The following ERC2 variants were observed in gnomAD, a reference collection of about 807,000 sequenced individuals.
ERC2 encodes the protein ELKS/RAB6-interacting/CAST family member 2, also known as ERC protein 2.
A neutral mutation model predicts 114.8 loss-of-function variants in ERC2; 42 were observed. That is an observed-to-expected ratio of 0.37 (90% CI 0.29 to 0.47). ERC2 has a LOEUF of 0.47. Among genes scored for constraint, ERC2 ranks in the 20% least tolerant of loss-of-function variants. ERC2 has a pLI of 0.99. For synonymous variants in ERC2, 454 were observed against 425.5 expected (o/e 1.07, Z -0.82); for missense variants, 939 against 1,150.7 (o/e 0.82, Z 2.66).
intron 3 of ERC2, among the ~76,000 whole-genome samples, chr3:56,270,750 T>A (rs537317655): frequency 3.3e-5 from 5 of 152,138 alleles, no homozygotes; most frequent in African/African-American, 1.2e-4. Context: ...GAGGCCAAGG[T>A]GGGCGGATCA....
At chr3:55,868,378 C>T (rs1220581122) in intron 14 of ERC2, among the ~76,000 whole-genome samples, 8 of 152,196 alleles carry the variant, frequency 5.3e-5, no homozygotes, top group African/African-American at 1.9e-4. Flanking sequence ...GATTTAGGAA[C>T]CCTGGAGCCT....
chr3:55,804,249 G>C (rs1264694771), intron 14 of ERC2, among the ~76,000 whole-genome samples: 1 of 152,122 alleles, frequency 6.6e-6, no homozygotes, highest in Non-Finnish European at 1.5e-5. Flanking sequence ...TTGTATCCAA[G>C]TTACCCTCAA....
intron 2 of ERC2, among the ~76,000 whole-genome samples, chr3:56,359,418 C>CA (rs1185125856): frequency 6.6e-6 from 1 of 152,224 alleles, no homozygotes; most frequent in Non-Finnish European, 1.5e-5. Flanking sequence ...ACTTGACTGA[C>CA]AATCATTCAT....
chr3:56,068,263 T>C (rs1466847738), intron 7 of ERC2, among the ~76,000 whole-genome samples: 2 of 152,190 alleles, frequency 1.3e-5, no homozygotes, highest in Non-Finnish European at 2.9e-5. Context: ...TGGTTTAGTC[T>C]TGGGAAGGTG....
chr3:56,234,755 G>C (rs768542405), intron 3 of ERC2, among the ~76,000 whole-genome samples: 2 of 152,172 alleles, frequency 1.3e-5, no homozygotes, highest in Non-Finnish European at 2.9e-5. Context: ...GAGACAAAGA[G>C]ATCAAAGGGG....
chr3:55,777,032 C>G (rs547696427), intron 14 of ERC2, among the ~76,000 whole-genome samples: 1 of 152,198 alleles, frequency 6.6e-6, no homozygotes, highest in African/African-American at 2.4e-5. Flanking sequence ...AAGTGTCTCC[C>G]TCCTCTCTTT....
intron 6 of ERC2, among the ~76,000 whole-genome samples, chr3:56,108,793 C>A (rs1178953409): frequency 6.6e-6 from 1 of 152,102 alleles, no homozygotes; most frequent in South Asian, 2.1e-4. Flanking sequence ...AAGGAGCAAT[C>A]TCTTATCTAT....
intron 14 of ERC2, among the ~76,000 whole-genome samples, chr3:55,879,757 A>G (rs1044522563): frequency 3.3e-5 from 5 of 152,342 alleles, no homozygotes; most frequent in East Asian, 1.9e-4. Context: ...ATTGCCCCCA[A>G]TATCCATTCT....
intron 17 of ERC2, among the ~76,000 whole-genome samples, chr3:55,625,259 T>C (rs1057459358): frequency 1.3e-5 from 2 of 150,862 alleles, no homozygotes; most frequent in South Asian, 4.2e-4. Context: ...CCCAGCTACT[T>C]GGAAGGCTGA....
intron 16 of ERC2, among the ~76,000 whole-genome samples, chr3:55,691,554 AAAAAAAAAAAAAAAAAAAAATATATATAT>A (rs2062644518): frequency 2.3e-5 from 1 of 43,472 alleles, no homozygotes; most frequent in East Asian, 9.6e-4. Flanking sequence ...CAAAAAAAAA[AAAAAAAAAAAAAAAAAAAAATATATATAT>A]ATATATATAT....
intron 14 of ERC2, among the ~76,000 whole-genome samples, chr3:55,829,429 C>A (rs1175320264): frequency 1.3e-5 from 2 of 151,994 alleles, no homozygotes; most frequent in African/African-American, 2.4e-5. Flanking sequence ...GAAGACAGAT[C>A]AACAGAAATC....
chr3:55,616,948 T>C (rs1575786009), intron 17 of ERC2, among the ~76,000 whole-genome samples: 1 of 152,164 alleles, frequency 6.6e-6, no homozygotes, highest in East Asian at 1.9e-4. Context: ...AACACATAGG[T>C]GTGAAGGAGT....
intron 10 of ERC2, among the ~76,000 whole-genome samples, chr3:55,995,835 A>C (rs1167334151): frequency 6.6e-6 from 1 of 152,250 alleles, no homozygotes; most frequent in Non-Finnish European, 1.5e-5. Context: ...ACTAAATAAA[A>C]TAGTGGAGGA....
rs557579511 is a variant in ERC2 at position 56,397,601 on chromosome 3, A to C, written c.657+36750T>G. 2.0e-5 allele frequency among the ~76,000 whole-genome samples: 3 copies of C among 152,302 alleles called. No individual in the cohort carries two copies. In the East Asian group the frequency reaches 5.8e-4, roughly 29 times the overall value. Reference sequence around the variant, plus strand: ...CTTATTATTTTCTTAAATGCTTTCCAATGTTGCATCTTATGGATACACCAT... The same window carrying C: ...CTTATTATTTTCTTAAATGCTTTCCCATGTTGCATCTTATGGATACACCAT... On this transcript the variant is annotated intron_variant, in intron 2 of 17. Transcript: ENST00000288221.
intron 7 of ERC2, among the ~76,000 whole-genome samples, chr3:56,062,859 A>C (rs575109662): frequency 5.9e-5 from 9 of 152,172 alleles, no homozygotes; most frequent in Non-Finnish European, 1.3e-4. Flanking sequence ...AGAAAATCTT[A>C]CCTTCTCAAC....
At chr3:56,036,582 C>T (rs1305334414) in intron 7 of ERC2, among the ~76,000 whole-genome samples, 3 of 152,138 alleles carry the variant, frequency 2.0e-5, no homozygotes, top group Non-Finnish European at 4.4e-5. Flanking sequence ...CAGGTTCTCT[C>T]ATCTGGGCTG....
chr3:56,098,699 A>T (rs2078193673), intron 6 of ERC2, among the ~76,000 whole-genome samples: 1 of 152,186 alleles, frequency 6.6e-6, no homozygotes, highest in South Asian at 2.1e-4. Flanking sequence ...ATAGAGCCTA[A>T]TGTTAGGAAG....
chr3:56,212,597 C>T (rs1233672164), intron 3 of ERC2, among the ~76,000 whole-genome samples: 1 of 152,198 alleles, frequency 6.6e-6, no homozygotes, highest in Non-Finnish European at 1.5e-5. Flanking sequence ...AGCAATCCCA[C>T]TCCTGGGTAT....
chr3:56,082,900 A>C (rs1367193682), intron 6 of ERC2, among the ~76,000 whole-genome samples: 1 of 152,118 alleles, frequency 6.6e-6, no homozygotes, highest in Non-Finnish European at 1.5e-5. Flanking sequence ...TGTGCAGTTC[A>C]CAATGGGGTT....
Sources: allele counts gnomAD v4.1 joint callset (sites outside exome capture counted in the v4.1 genomes callset), GRCh38; gene constraint gnomAD v4.1.1; transcripts MANE v1.5; gene names NCBI Gene and HGNC (gene_info 2026-07-23, HGNC 2026-07-21).